The following ANO1 variants were observed in gnomAD, a reference collection of about 807,000 sequenced individuals.
The protein encoded by ANO1 is anoctamin-1.
Under a neutral mutation model 124.0 loss-of-function variants are expected in ANO1, and 59 were observed. The ratio of observed to expected loss-of-function variants is 0.48; its 90% CI spans 0.39 to 0.59. The LOEUF is 0.59. Among genes scored for constraint, ANO1 ranks in the 20% least tolerant of loss-of-function variants. The pLI is 0.00. For missense variants in ANO1, 1,059 were observed against 1,328.0 expected (o/e 0.80, Z 3.15); for synonymous variants, 529 against 532.0 (o/e 0.99, Z 0.08).
Position 70,024,702 on chromosome 11 carries a change from C to G in ANO1, c.58+38536C>G, listed in dbSNP as rs1054052755. ...CCCAAGTTCTTCGCCACCACCACCA[C>G]TCTCAGCAGCTTGCAGAGCTGCCTC... is the stretch of plus-strand genomic sequence containing the variant. On this transcript the variant is annotated intron_variant, in intron 1 of 27. Transcript: ENST00000531349. Among the ~76,000 whole-genome samples, 5 of 152,374 alleles carry G rather than the reference C, an allele frequency of 3.3e-5. No homozygotes were observed. In the South Asian group the frequency reaches 1.0e-3, roughly 32 times the overall value.
intron 1 of ANO1, among the ~76,000 whole-genome samples, chr11:70,034,755 C>T (rs1469058643): frequency 2.0e-5 from 3 of 152,102 alleles, no homozygotes; most frequent in Admixed American, 6.5e-5. Context: ...CATAAAGAAG[C>T]GCAAGGTTCT....
At chr11:70,170,121 T>C in intron 21 of ANO1, 1 of 425,128 alleles carries the variant, frequency 2.4e-6, no homozygotes, top group Non-Finnish European at 4.7e-6. Context: ...GATCCAGGAG[T>C]CCTGATGCAA....
At chr11:70,020,030 T>C (rs1219267959) in intron 1 of ANO1, among the ~76,000 whole-genome samples, 3 of 152,114 alleles carry the variant, frequency 2.0e-5, no homozygotes, top group Admixed American at 6.5e-5. Context: ...CCCTCCAAGG[T>C]TGGGGAGAGG....
the ANO1 span, among the ~76,000 whole-genome samples, chr11:69,974,507 C>A: frequency 6.6e-6 from 1 of 152,216 alleles, no homozygotes; most frequent in Non-Finnish European, 1.5e-5. Context: ...AGGGCGTCTG[C>A]CCAAGACGGC....
chr11:70,145,943 C>CAAAAAAAAAAAA (rs10589426), intron 11 of ANO1, among the ~76,000 whole-genome samples: 17 of 108,694 alleles, frequency 1.6e-4, no homozygotes, highest in Admixed American at 3.2e-4. Context: ...TCTCAAAAAA[C>CAAAAAAAAAAAA]AAAAAAAAAA....
rs1391832764 is a variant in ANO1, at chr11:70,112,418, G to T, written c.855+656G>T. Among the ~76,000 whole-genome samples, 6 of 152,184 alleles carry T rather than the reference G, an allele frequency of 3.9e-5. No homozygotes were observed. The East Asian group carries it at 1.2e-3, about 29-fold the overall frequency. On this transcript the variant is annotated intron_variant, in intron 7 of 25. Transcript: ENST00000355303. ...GAAGGGACAGGCCTGGGACTAAGGA[G>T]ACCCAGATTCCAGTCCCGGCCACTT...
At chr11:69,971,540 T>C in the ANO1 span, among the ~76,000 whole-genome samples, 1 of 152,326 alleles carries the variant, frequency 6.6e-6, no homozygotes, top group East Asian at 1.9e-4. Context: ...AAACTTTTCA[T>C]TTTTTCTTTT....
chr11:69,973,675 C>T, the ANO1 span, among the ~76,000 whole-genome samples: 94 of 152,032 alleles, frequency 6.2e-4, 2 homozygotes, highest in East Asian at 0.015. Flanking sequence ...AGTTCAAGAC[C>T]AACCTGGCCA....
chr11:70,163,158 G>A (rs946517246), intron 18 of ANO1, 125 bp from the exon 19 acceptor site: 15 of 970,438 alleles, frequency 1.5e-5, no homozygotes, highest in Admixed American at 8.2e-5. Flanking sequence ...AGGGAGAGCC[G>A]CCTGTAGATA....
At chr11:70,098,699 G>C (rs965434319) in intron 2 of ANO1, among the ~76,000 whole-genome samples, 1 of 152,132 alleles carries the variant, frequency 6.6e-6, no homozygotes, top group African/African-American at 2.4e-5. Context: ...TAGCAATTTC[G>C]AGCCCACGCT....
At chr11:70,031,423 A>G (rs1210530360) in intron 1 of ANO1, among the ~76,000 whole-genome samples, 1 of 152,214 alleles carries the variant, frequency 6.6e-6, no homozygotes, top group Non-Finnish European at 1.5e-5. Context: ...CTGGTGTGCT[A>G]TAAGTGGAAA....
chr11:70,090,876 G>A (rs959749174), intron 2 of ANO1, among the ~76,000 whole-genome samples: 9 of 152,170 alleles, frequency 5.9e-5, no homozygotes, highest in African/African-American at 2.2e-4. Context: ...GGGTAGAAAC[G>A]TCCATTCAAG....
Position 70,126,068 on chromosome 11 carries a change from T to G in ANO1, c.970T>G (p.Phe324Val). The change falls in exon 10 of 26, where the codon TTT (phenylalanine) becomes GTT (valine). Residue 324 changes from phenylalanine (F) to valine (V), a missense_variant. By Grantham distance (50) the Phe-to-Val change is conservative. Around this residue, in one of 2 missense-constraint regions of ANO1, gnomAD observed 809 missense variants for 1,094.9 expected, o/e 0.74. Coordinates refer to ENST00000355303, the MANE Select transcript of ANO1 (RefSeq NM_018043.7). ...YQPIDLVRKY[F>V]GEKIGLYFAW... The stretch of plus-strand genomic sequence containing the variant: ...TCTGCTCCCCTGGTGTAGGAAGTAT[T>G]TTGGGGAGAAGATCGGCCTGTACTT... 6.2e-7 allele frequency: 1 copy of G among 1,608,942 alleles called. No individual in the cohort carries two copies. Among genetic ancestry groups the G allele is most frequent in the Non-Finnish European group, 8.5e-7 (1 of 1,177,508 alleles).
upstream of ANO1, among the ~76,000 whole-genome samples, chr11:70,076,433 C>CT (rs782542933): frequency 0.011 from 1,546 of 146,486 alleles, 24 homozygotes; most frequent in African/African-American, 0.032. Flanking sequence ...TATTTTTACT[C>CT]TTTTTTTTTT....
chr11:70,131,805 C>A, intron 10 of ANO1, 114 bp from the exon 11 acceptor site: 4 of 1,301,342 alleles, frequency 3.1e-6, no homozygotes, highest in Non-Finnish European at 4.2e-6. Context: ...ACCTGAGGGA[C>A]CCTCGCCAAC....
chr11:70,077,048 T>G (rs1382930450), upstream of ANO1, among the ~76,000 whole-genome samples: 2 of 152,046 alleles, frequency 1.3e-5, no homozygotes, highest in Non-Finnish European at 2.9e-5. Context: ...CCACCCCTTC[T>G]CTCCAACCCT....
the ANO1 span, among the ~76,000 whole-genome samples, chr11:69,971,338 C>G: frequency 2.0e-5 from 3 of 152,192 alleles, no homozygotes; most frequent in Non-Finnish European, 4.4e-5. Flanking sequence ...AGATTTGAAG[C>G]TCTGCTAGGA....
chr11:70,179,552 A>C (rs1257182352), intron 22 of ANO1, among the ~76,000 whole-genome samples: 1 of 152,250 alleles, frequency 6.6e-6, no homozygotes, highest in East Asian at 1.9e-4. Flanking sequence ...CTGTGGACTC[A>C]GTGCCTCCAG....
chr11:70,165,502 C>T lies in ANO1; in HGVS notation c.1983C>T (p.Cys661=), dbSNP rs1274609011. 2 of 1,611,870 alleles carry T rather than the reference C, an allele frequency of 1.2e-6. No homozygotes were observed. The highest frequency in any genetic ancestry group is 1.7e-6 in the Non-Finnish European group (2 of 1,179,202). The change falls in exon 20 of 26, where the codon TGC becomes TGT. Residue 661 remains cysteine (C), a synonymous_variant. Transcript: ENST00000355303. ...CAPGGCLMEL[C]IQLSIIMLGK... is the part of the protein sequence containing the mutation. ...CAGGGGGCTGCCTGATGGAGCTATGCATCCAGCTCAGCATCATCATGCTGG... is the reference window on the plus strand; with the variant it reads ...CAGGGGGCTGCCTGATGGAGCTATGTATCCAGCTCAGCATCATCATGCTGG...
Sources: allele counts gnomAD v4.1 joint callset (sites outside exome capture counted in the v4.1 genomes callset), GRCh38; gene constraint gnomAD v4.1.1; regional missense constraint gnomAD v4.1.1; transcripts MANE v1.5; gene names NCBI Gene and HGNC (gene_info 2026-07-23, HGNC 2026-07-21).